The following ARHGAP10 variants were observed in gnomAD, a reference collection of about 807,000 sequenced individuals.
The protein encoded by ARHGAP10 is Rho GTPase activating protein 10.
A neutral mutation model predicts 108.6 loss-of-function variants in ARHGAP10; 87 were observed. The ratio of observed to expected loss-of-function variants is 0.80; its 90% confidence interval spans 0.67 to 0.96. The LOEUF is 0.96. Ranked by LOEUF, ARHGAP10 falls within the 40% of genes least tolerant of loss-of-function variation. The pLI is 0.00. For missense variants in ARHGAP10, 939 were observed against 954.5 expected, an observed-to-expected ratio of 0.98 and a Z score of 0.21; for synonymous variants, 347 against 341.1, an observed-to-expected ratio of 1.02 and a Z score of -0.19.
At chr4:147,759,426 G>A (rs549078771) in intron 1 of ARHGAP10, among the ~76,000 whole-genome samples, 8 of 152,174 alleles carry the variant, frequency 5.3e-5, no homozygotes, top group African/African-American at 1.9e-4. Flanking sequence ...TTAAAAAACA[G>A]GTGAAGGTGT....
chr4:147,791,647 C>G (rs1338046532), intron 1 of ARHGAP10, among the ~76,000 whole-genome samples: 1 of 152,032 alleles, frequency 6.6e-6, no homozygotes, highest in Non-Finnish European at 1.5e-5. Flanking sequence ...TACAGTGGTG[C>G]AATCTCAGCT....
intron 18 of ARHGAP10, among the ~76,000 whole-genome samples, chr4:147,988,668 C>G (rs919076004): frequency 6.6e-6 from 1 of 152,188 alleles, no homozygotes; most frequent in Non-Finnish European, 1.5e-5. Context: ...AAACCAAGAG[C>G]TGCAACATGA....
intron 1 of ARHGAP10, among the ~76,000 whole-genome samples, chr4:147,769,997 A>T (rs1223405108): frequency 6.6e-6 from 1 of 152,240 alleles, no homozygotes; most frequent in Non-Finnish European, 1.5e-5. Flanking sequence ...AGATAACAGC[A>T]TAAGGACCTA....
At chr4:147,832,515 C>T (rs534770219) in intron 3 of ARHGAP10, among the ~76,000 whole-genome samples, 63 of 151,336 alleles carry the variant, frequency 4.2e-4, no homozygotes, top group Middle Eastern at 3.4e-3. Flanking sequence ...GTCGTGGTGG[C>T]GGGCACCTGT....
intron 3 of ARHGAP10, among the ~76,000 whole-genome samples, chr4:147,829,995 G>A (rs1161089904): frequency 6.6e-6 from 1 of 152,168 alleles, no homozygotes; most frequent in Admixed American, 6.5e-5. Context: ...TGCCTGAGAT[G>A]GAGCTGTTCC....
chr4:147,881,608 A>T (rs35899247), intron 9 of ARHGAP10, among the ~76,000 whole-genome samples: 31,038 of 152,184 alleles, frequency 0.2, 5,284 homozygotes, highest in African/African-American at 0.47. Flanking sequence ...ACTGCACTCC[A>T]GCCTGGGTGA....
At chr4:147,763,495 A>G (rs1477391873) in intron 1 of ARHGAP10, among the ~76,000 whole-genome samples, 2 of 151,870 alleles carry the variant, frequency 1.3e-5, no homozygotes, top group Non-Finnish European at 1.5e-5. Flanking sequence ...TGTTTTTAGT[A>G]GAGATGGGGT....
chr4:147,844,405 G>A (rs747758864), intron 3 of ARHGAP10, among the ~76,000 whole-genome samples: 1 of 152,018 alleles, frequency 6.6e-6, no homozygotes, highest in Non-Finnish European at 1.5e-5. Flanking sequence ...TCACTCTGTT[G>A]TGTTATCAAA....
At position 147,769,847 on chromosome 4, in the gene ARHGAP10, T is replaced by A. The variant is rs141848903; in HGVS notation, c.154+37392T>A. Among the ~76,000 whole-genome samples the A allele has an allele frequency of 4.6e-3, 698 of 152,198 alleles. 7 individuals are homozygous for A. The highest frequency in any genetic ancestry group is 0.015 in the African/African-American group (639 of 41,504). ...CAGTGGCTGGAATTAAGACATGTGT[T>A]GAGGGAGGAAAAGGGAAAAGAGAGG... is the stretch of plus-strand genomic sequence containing the variant. On this transcript the variant is annotated intron_variant, in intron 1 of 22. Transcript: ENST00000336498.
chr4:147,814,130 G>T (rs889084132), intron 1 of ARHGAP10, among the ~76,000 whole-genome samples: 1 of 152,164 alleles, frequency 6.6e-6, no homozygotes. Flanking sequence ...TAGGGCAGCA[G>T]CCTCACCCTC....
chr4:147,750,701 A>C (rs1038362676), intron 1 of ARHGAP10, among the ~76,000 whole-genome samples: 1 of 151,514 alleles, frequency 6.6e-6, no homozygotes, highest in Non-Finnish European at 1.5e-5. Flanking sequence ...TCCTGGGTTC[A>C]AGCGATTCTC....
At chr4:147,768,248 C>T (rs1053869017) in intron 1 of ARHGAP10, among the ~76,000 whole-genome samples, 1 of 152,152 alleles carries the variant, frequency 6.6e-6, no homozygotes, top group South Asian at 2.1e-4. Context: ...GGTTCCTGCT[C>T]CCCACTACTA....
chr4:147,846,029 T>G (rs552679842), intron 3 of ARHGAP10, among the ~76,000 whole-genome samples: 6 of 152,258 alleles, frequency 3.9e-5, no homozygotes, highest in African/African-American at 9.6e-5. Context: ...AATTCTTTCT[T>G]TTAGAGCTTT....
At chr4:147,743,745 C>G (rs1176692706) in intron 1 of ARHGAP10, among the ~76,000 whole-genome samples, 5 of 152,022 alleles carry the variant, frequency 3.3e-5, no homozygotes, top group Admixed American at 6.6e-5. Flanking sequence ...CCATTGCACT[C>G]CAGCCTGGGC....
intron 20 of ARHGAP10, among the ~76,000 whole-genome samples, chr4:148,061,231 G>C (rs1051547430): frequency 6.6e-5 from 10 of 152,008 alleles, no homozygotes; most frequent in Admixed American, 5.9e-4. Flanking sequence ...CCTCCCTCTA[G>C]GCAGAGGGAT....
rs1001939311 is a variant in ARHGAP10 at position 147,732,462 on chromosome 4, G to A, written c.154+7G>A. 8.7e-6 allele frequency: 14 copies of A among 1,610,582 alleles called. No homozygotes were observed. Among genetic ancestry groups the A allele is most frequent in the Non-Finnish European group, 1.2e-5 (14 of 1,178,296 alleles). On this transcript the variant is annotated splice_region_variant and intron_variant, in intron 1 of 22. Transcript: ENST00000336498. ...CTCATCGCTGCGACGAAAAGTAAGCGGGGACGCGGGCGCGGACGGGCTGCG... is the reference window on the plus strand; with the variant it reads ...CTCATCGCTGCGACGAAAAGTAAGCAGGGACGCGGGCGCGGACGGGCTGCG...
At chr4:147,852,875 C>T (rs144200944) in intron 4 of ARHGAP10, among the ~76,000 whole-genome samples, 24 of 152,040 alleles carry the variant, frequency 1.6e-4, no homozygotes, top group East Asian at 1.5e-3. Context: ...TGCGCCAGCA[C>T]GCCAGGCTAA....
At chr4:147,980,809 C>T (rs188661360) in intron 18 of ARHGAP10, among the ~76,000 whole-genome samples, 28 of 152,254 alleles carry the variant, frequency 1.8e-4, no homozygotes, top group Non-Finnish European at 3.5e-4. Context: ...TCTACTTCCT[C>T]TAGATTTTCT....
intron 1 of ARHGAP10, among the ~76,000 whole-genome samples, chr4:147,732,877 A>T (rs1391240540): frequency 6.6e-6 from 1 of 152,176 alleles, no homozygotes; most frequent in Admixed American, 6.5e-5. Flanking sequence ...GTGACTTCTC[A>T]AAAGAAATTT....
Sources: gnomAD v4.1 joint callset for allele counts (sites outside exome capture counted in the v4.1 genomes callset) on GRCh38, gnomAD v4.1.1 for gene constraint, MANE v1.5 for transcripts, NCBI Gene and HGNC (gene_info 2026-07-23, HGNC 2026-07-21) for gene names.